The following BRIP1 variants were observed in gnomAD, a reference collection of about 807,000 sequenced individuals.
BRIP1 encodes the protein Fanconi anemia group J protein.
A neutral mutation model predicts 119.7 loss-of-function variants in BRIP1; 88 were observed. The observed-to-expected ratio is 0.74, with a 90% CI of 0.62 to 0.88. BRIP1 has a LOEUF of 0.88. Among genes scored for constraint, BRIP1 ranks in the 40% least tolerant of loss-of-function variants. The pLI is 0.00. For missense variants in BRIP1, 1,259 were observed against 1,455.4 expected (o/e 0.87, Z 2.20); for synonymous variants, 443 against 496.5 (o/e 0.89, Z 1.43).
chr17:61,856,976 CTT>C lies in BRIP1; in HGVS notation c.379+80_379+81del. 1 of 1,383,670 alleles carries C rather than the reference CTT, an allele frequency of 7.2e-7. No homozygotes were observed. Among genetic ancestry groups the C allele is most frequent in the Non-Finnish European group, 1.0e-6 (1 of 972,078 alleles). 85.7% of individuals were successfully genotyped at this position (1,383,670 alleles called of 1,614,324 possible). ...TATATAATCAGTTATGCTAACCAAA[CTT>C]ATATAAATTAGGGCTTATAACAGTA... is the stretch of plus-strand genomic sequence containing the variant. On this transcript the variant is annotated intron_variant, in intron 4 of 19. Coordinates refer to ENST00000259008, the MANE Select transcript of BRIP1 (RefSeq NM_032043.3). This position sits in a 1 kb window ranked among gnomAD's most constrained non-coding sequence, Gnocchi z 5.1.
rs1411247845 is a variant in BRIP1, at chr17:61,778,761, T to C, written c.1935+1500A>G. Among the ~76,000 whole-genome samples, 1 of 152,190 alleles carries C rather than the reference T, an allele frequency of 6.6e-6. No homozygotes were observed. The highest frequency in any genetic ancestry group is 1.9e-4 in the East Asian group (1 of 5,180). Reference sequence around the variant, plus strand: ...TCCTTCACTGCTGTTCATAGTCACATTTCTCAGCAGGAACACTCTGGCATT... The same window carrying C: ...TCCTTCACTGCTGTTCATAGTCACACTTCTCAGCAGGAACACTCTGGCATT... On this transcript the variant is annotated intron_variant, in intron 13 of 19. Transcript: ENST00000259008. This position sits in a 1 kb window ranked among gnomAD's most constrained non-coding sequence, Gnocchi z 4.4.
rs756379826 is a variant in BRIP1, at chr17:61,708,936, T to C, written c.2492+7015A>G. On this transcript the variant is annotated intron_variant, in intron 17 of 19. Coordinates refer to ENST00000259008, the MANE Select transcript of BRIP1 (RefSeq NM_032043.3). This position sits in a 1 kb window ranked among gnomAD's most constrained non-coding sequence, Gnocchi z 4.4. ...GGGGGTGGAGTTCTCACATTCAGTA[T>C]GTAAAATCCCCGTATATAATATTAA... is the stretch of plus-strand genomic sequence containing the variant. 2.0e-5 allele frequency among the ~76,000 whole-genome samples: 3 copies of C among 152,178 alleles called. No homozygotes were observed. Among genetic ancestry groups the C allele is most frequent in the Non-Finnish European group, 4.4e-5 (3 of 68,036 alleles).
Position 61,848,926 on chromosome 17 carries a change from G to T in BRIP1, c.507+203C>A, listed in dbSNP as rs1409078006. The stretch of plus-strand genomic sequence containing the variant: ...TAAGAAACACCATGCAGTTTCACTT[G>T]AACGACATGTTACTGTGAATAATCT... On this transcript the variant is annotated intron_variant, in intron 5 of 19. Coordinates refer to ENST00000259008, the MANE Select transcript of BRIP1 (RefSeq NM_032043.3). This position sits in a 1 kb window ranked among gnomAD's most constrained non-coding sequence, Gnocchi z 4.3. Among the ~76,000 whole-genome samples, 1 of 152,128 alleles carries T rather than the reference G, an allele frequency of 6.6e-6. No homozygotes were observed. Among genetic ancestry groups the T allele is most frequent in the African/African-American group, 2.4e-5 (1 of 41,412 alleles).
chr17:61,783,576 T>TA (rs891517610), intron 11 of BRIP1, among the ~76,000 whole-genome samples: 27 of 147,310 alleles, frequency 1.8e-4, no homozygotes, highest in Middle Eastern at 3.5e-3. Flanking sequence ...TTTACCACAA[T>TA]AAAAAAAAAA....
Position 61,844,848 on chromosome 17 carries a change from C to T in BRIP1, c.627+2253G>A. ...TATTTACTAGCTTTGTGATCTTAGG[C>T]CAGTTTCTTCCTTCTCAGAGTTTCC... On this transcript the variant is annotated intron_variant, in intron 6 of 19. Coordinates refer to ENST00000259008, the MANE Select transcript of BRIP1 (RefSeq NM_032043.3). This position sits in a 1 kb window ranked among gnomAD's most constrained non-coding sequence, Gnocchi z 4.7. Among the ~76,000 whole-genome samples the T allele has an allele frequency of 6.6e-6, 1 of 152,214 alleles. No individual in the cohort carries two copies. Among genetic ancestry groups the T allele is most frequent in the Non-Finnish European group, 1.5e-5 (1 of 68,040 alleles).
At position 61,861,180 on chromosome 17, in the gene BRIP1, C is replaced by T. The variant is rs2078967805; in HGVS notation, c.93+267G>A. Reference sequence around the variant, plus strand: ...AAAGATAGTAAATACTCTGTTTTTACTTAAAAGTATAGCAGTTTTTCATTA... The same window carrying T: ...AAAGATAGTAAATACTCTGTTTTTATTTAAAAGTATAGCAGTTTTTCATTA... On this transcript the variant is annotated intron_variant, in intron 2 of 19. Coordinates refer to ENST00000259008, the MANE Select transcript of BRIP1 (RefSeq NM_032043.3). The surrounding 1 kb of genome is among the most constrained non-coding windows in gnomAD (Gnocchi z 4.5). Among the ~76,000 whole-genome samples the T allele has an allele frequency of 6.6e-6, 1 of 152,236 alleles. No individual in the cohort carries two copies. Among genetic ancestry groups the T allele is most frequent in the Non-Finnish European group, 1.5e-5 (1 of 68,008 alleles).
At chr17:61,737,164 CA>C (rs2144625342) in intron 16 of BRIP1, among the ~76,000 whole-genome samples, 1 of 152,106 alleles carries the variant, frequency 6.6e-6, no homozygotes, top group African/African-American at 2.4e-5. Flanking sequence ...GATTGAGGAA[CA>C]AAAAGCACAT....
chr17:61,781,741 T>C (rs2077622580), intron 11 of BRIP1, among the ~76,000 whole-genome samples: 1 of 151,598 alleles, frequency 6.6e-6, no homozygotes, highest in South Asian at 2.1e-4. Flanking sequence ...GCCAACATGG[T>C]GAAACCCCGT....
rs1252522645 is a variant in BRIP1, at chr17:61,780,770, G to C, written c.1794+70C>G. 1 of 1,501,742 alleles carries C rather than the reference G, an allele frequency of 6.7e-7. No homozygotes were observed. The highest frequency in any genetic ancestry group is 9.3e-7 in the Non-Finnish European group (1 of 1,078,744). The allele number at this position is 1,501,742 out of a possible 1,614,324, so 93.0% of individuals were successfully genotyped here. A position where few individuals can be genotyped will look rare whatever the true frequency, so the allele number is the denominator to read the frequency against. ...ACAACAAACAACTATCTTTAAAAGA[G>C]TCAACCACATTTATTAAAATGCTGG... On this transcript the variant is annotated intron_variant, in intron 12 of 19. Coordinates refer to ENST00000259008, the MANE Select transcript of BRIP1 (RefSeq NM_032043.3). The surrounding 1 kb of genome is among the most constrained non-coding windows in gnomAD (Gnocchi z 5.4).
rs2077416411 is a variant in BRIP1 at position 61,769,415 on chromosome 17, T to C, written c.2097+6986A>G. Among the ~76,000 whole-genome samples the C allele has an allele frequency of 6.6e-6, 1 of 152,162 alleles. No individual in the cohort carries two copies. The highest frequency in any genetic ancestry group is 1.5e-5 in the Non-Finnish European group (1 of 68,034). On this transcript the variant is annotated intron_variant, in intron 14 of 19. Transcript: ENST00000259008. The surrounding 1 kb of genome is among the most constrained non-coding windows in gnomAD (Gnocchi z 4.9). ...TGTAGGCTTTCTGTCTTCTGCATGG[T>C]CAGTATCAAACCCCTCTGAAATGAA...
intron 3 of BRIP1, among the ~76,000 whole-genome samples, chr17:61,859,246 C>G (rs201215042): frequency 1.4e-5 from 2 of 148,052 alleles, no homozygotes; most frequent in African/African-American, 4.9e-5. Context: ...TTTCCCCCCC[C>G]AAAAAAAGCA....
chr17:61,826,747 A>AC (rs1346810606), intron 6 of BRIP1, among the ~76,000 whole-genome samples: 5 of 150,088 alleles, frequency 3.3e-5, no homozygotes, highest in Non-Finnish European at 5.9e-5. Flanking sequence ...AAAAAAAAAA[A>AC]AAAAAAAAAA....
At chr17:61,741,850 T>C (rs1479911543) in intron 16 of BRIP1, among the ~76,000 whole-genome samples, 6 of 152,226 alleles carry the variant, frequency 3.9e-5, no homozygotes, top group Non-Finnish European at 7.3e-5. Flanking sequence ...TAAATGAGCA[T>C]TGGCTTCAAC....
Position 61,762,890 on chromosome 17 carries a change from T to C in BRIP1, c.2097+13511A>G, listed in dbSNP as rs1299470072. 1.3e-5 allele frequency among the ~76,000 whole-genome samples: 2 copies of C among 152,128 alleles called. No individual in the cohort carries two copies. Among genetic ancestry groups the C allele is most frequent in the Non-Finnish European group, 2.9e-5 (2 of 68,000 alleles). On this transcript the variant is annotated intron_variant, in intron 14 of 19. Coordinates refer to ENST00000259008, the MANE Select transcript of BRIP1 (RefSeq NM_032043.3). This position sits in a 1 kb window ranked among gnomAD's most constrained non-coding sequence, Gnocchi z 4.3. ...ACTTCTGAGTATTTACCCCTAAAATTTGAAGTCAGTTTGCAGAAGAAATAT... is the reference window on the plus strand; with the variant it reads ...ACTTCTGAGTATTTACCCCTAAAATCTGAAGTCAGTTTGCAGAAGAAATAT...
rs529602777 is a variant in BRIP1 at position 61,810,581 on chromosome 17, T to G, written c.628-1824A>C. On this transcript the variant is annotated intron_variant, in intron 6 of 19. Transcript: ENST00000259008. The surrounding 1 kb of genome is among the most constrained non-coding windows in gnomAD (Gnocchi z 4.7). ...GCCCAATGCACTGTTATGTACTATA[T>G]AGATACATTCTATCTAAGCATAAAA... Among the ~76,000 whole-genome samples, 2 of 152,242 alleles carry G rather than the reference T, an allele frequency of 1.3e-5. No individual in the cohort carries two copies. Among genetic ancestry groups the G allele is most frequent in the South Asian group, 4.1e-4 (2 of 4,838 alleles).
At chr17:61,859,238 TC>T (rs35201028) in intron 3 of BRIP1, among the ~76,000 whole-genome samples, 24,649 of 151,264 alleles carry the variant, frequency 0.16, 2,485 homozygotes, top group East Asian at 0.54. Context: ...TTAAAGGATT[TC>T]CCCCCCCAAA....
rs1290766958 is a variant in BRIP1 at position 61,743,204 on chromosome 17, T to C, written c.2258-70A>G. 1 of 1,523,340 alleles carries C rather than the reference T, an allele frequency of 6.6e-7. No individual in the cohort carries two copies. Among genetic ancestry groups the C allele is most frequent in the Admixed American group, 1.7e-5 (1 of 59,420 alleles). 94.4% of individuals were successfully genotyped at this position (1,523,340 alleles called of 1,614,324 possible). On this transcript the variant is annotated intron_variant, in intron 15 of 19. Transcript: ENST00000259008. This position sits in a 1 kb window ranked among gnomAD's most constrained non-coding sequence, Gnocchi z 4.3. ...TTATTCTTGTCATTTTGAAAATACCTGATTTATAATTATAGTAATTACAGT... is the reference window on the plus strand; with the variant it reads ...TTATTCTTGTCATTTTGAAAATACCCGATTTATAATTATAGTAATTACAGT...
rs1005463003 is a variant in BRIP1 at position 61,762,295 on chromosome 17, C to A, written c.2097+14106G>T. On this transcript the variant is annotated intron_variant, in intron 14 of 19. Transcript: ENST00000259008. This position sits in a 1 kb window ranked among gnomAD's most constrained non-coding sequence, Gnocchi z 4.3. ...CCCAAGAACTGAAACTGTAAAACTA[C>A]TAGAAGAAAACAGAGGGGGGAAAAC... 1.3e-5 allele frequency among the ~76,000 whole-genome samples: 2 copies of A among 151,842 alleles called. No individual in the cohort carries two copies. The highest frequency in any genetic ancestry group is 4.8e-5 in the African/African-American group (2 of 41,330).
rs1017741018 is a variant in BRIP1 at position 61,681,107 on chromosome 17, C to G, written c.*2189G>C. Among the ~76,000 whole-genome samples the G allele has an allele frequency of 1.3e-5, 2 of 152,024 alleles. No homozygotes were observed. Among genetic ancestry groups the G allele is most frequent in the Admixed American group, 6.5e-5 (1 of 15,272 alleles). Reference sequence around the variant, plus strand: ...CATAAGAACTCAGTATCACGAGAACCGCATGAGGGTAACCGCCCCCACGAT... The same window carrying G: ...CATAAGAACTCAGTATCACGAGAACGGCATGAGGGTAACCGCCCCCACGAT... On this transcript the variant is annotated 3_prime_UTR_variant, in exon 20 of 20. Transcript: ENST00000259008. This position sits in a 1 kb window ranked among gnomAD's most constrained non-coding sequence, Gnocchi z 5.1.
Sources: allele counts gnomAD v4.1 joint callset (sites outside exome capture counted in the v4.1 genomes callset), GRCh38; gene constraint gnomAD v4.1.1; non-coding constraint Gnocchi (gnomAD v3.1); transcripts MANE v1.5; gene names NCBI Gene and HGNC (gene_info 2026-07-23, HGNC 2026-07-21).